CELF2: variants seen among roughly 807,000 people sequenced by gnomAD.
CELF2 encodes CUGBP Elav-like family member 2.
CELF2 carries 8 observed loss-of-function variants against 62.6 expected under a neutral mutation model. That is an observed-to-expected ratio of 0.13 (90% CI 0.07 to 0.23). The LOEUF (loss-of-function observed/expected upper bound fraction) is 0.23. CELF2 is among the 10% of genes least tolerant of loss of function. CELF2 has a pLI of 1.00. For synonymous variants in CELF2, 258 were observed against 250.0 expected (o/e 1.03, Z -0.30); for missense variants, 333 against 671.0 (o/e 0.50, Z 5.56).
chr10:10,906,010 G>T (rs1459388259), intron 1 of CELF2, among the ~76,000 whole-genome samples: 1 of 152,166 alleles, frequency 6.6e-6, no homozygotes, highest in Non-Finnish European at 1.5e-5. Context: ...GGCAAAAGTT[G>T]CAGTGAGCTC....
chr10:11,234,606 C>CG (rs1554980147), intron 3 of CELF2, among the ~76,000 whole-genome samples: 4 of 131,124 alleles, frequency 3.1e-5, no homozygotes, highest in Admixed American at 2.7e-4. Context: ...GGCGTGAACC[C>CG]GGGGGGCGGA....
the CELF2 span, among the ~76,000 whole-genome samples, chr10:10,571,394 A>G: frequency 6.6e-6 from 1 of 152,242 alleles, no homozygotes; most frequent in South Asian, 2.1e-4. Context: ...GACTGTTGAC[A>G]GTAATAAAAT....
upstream of CELF2, among the ~76,000 whole-genome samples, chr10:10,795,830 A>G (rs751018658): frequency 2.3e-4 from 35 of 152,174 alleles, no homozygotes; most frequent in Non-Finnish European, 3.2e-4. Flanking sequence ...TCCTCTCTAA[A>G]TACTTTTGGG....
chr10:10,646,554 A>G, the CELF2 span, among the ~76,000 whole-genome samples: 2 of 152,342 alleles, frequency 1.3e-5, no homozygotes, highest in East Asian at 3.9e-4. Flanking sequence ...GATGGCAGTC[A>G]CATCCACCTC....
At chr10:11,000,362 A>G (rs913353400), upstream of CELF2, among the ~76,000 whole-genome samples, 1 of 152,096 alleles carries the variant, frequency 6.6e-6, no homozygotes, top group East Asian at 1.9e-4. Flanking sequence ...TCTTAAATTT[A>G]TCTAGTACCT....
chr10:10,496,376 A>G, the CELF2 span, among the ~76,000 whole-genome samples: 14 of 152,302 alleles, frequency 9.2e-5, no homozygotes, highest in South Asian at 2.9e-3. Context: ...CTATACTACC[A>G]TAGTAGTCTC....
intron 2 of CELF2, among the ~76,000 whole-genome samples, chr10:11,215,086 C>T (rs1444184205): frequency 6.6e-6 from 1 of 152,232 alleles, no homozygotes; most frequent in Non-Finnish European, 1.5e-5. Flanking sequence ...TAGCTAAAAT[C>T]ACACTAAGCT....
At chr10:10,651,556 C>T in the CELF2 span, among the ~76,000 whole-genome samples, 3 of 131,276 alleles carry the variant, frequency 2.3e-5, no homozygotes, top group East Asian at 6.0e-4. Context: ...CAAGTGGGTC[C>T]CTGACCCCTG....
chr10:10,863,328 T>C (rs1184576871), intron 1 of CELF2, among the ~76,000 whole-genome samples: 1 of 152,246 alleles, frequency 6.6e-6, no homozygotes, highest in Non-Finnish European at 1.5e-5. Flanking sequence ...GTGTGTAGCA[T>C]GTGAGAAGGC....
intron 2 of CELF2, among the ~76,000 whole-genome samples, chr10:11,184,540 T>C (rs1310065231): frequency 2.0e-5 from 3 of 152,226 alleles, no homozygotes; most frequent in Admixed American, 2.0e-4. Flanking sequence ...AAGTGGTATA[T>C]TTCTCCACTT....
At chr10:10,697,324 G>A in the CELF2 span, among the ~76,000 whole-genome samples, 1 of 152,264 alleles carries the variant, frequency 6.6e-6, no homozygotes, top group African/African-American at 2.4e-5. Context: ...TACCAAAGCA[G>A]CTCTTGAATG....
At chr10:11,081,067 A>G (rs1564651004) in intron 1 of CELF2, among the ~76,000 whole-genome samples, 1 of 151,972 alleles carries the variant, frequency 6.6e-6, no homozygotes, top group Non-Finnish European at 1.5e-5. Flanking sequence ...AGAAAAAATT[A>G]TTCTTTAAAT....
Position 11,329,808 on chromosome 10 carries a change from T to TGTTTCTTGAAAGATAAATTTAA in CELF2, c.*756_*777dup, listed in dbSNP as rs1566037606. 6.6e-6 allele frequency: 1 copy of TGTTTCTTGAAAGATAAATTTAA among 152,130 alleles called. No homozygotes were observed. The highest frequency in any genetic ancestry group is 2.4e-5 in the African/African-American group (1 of 41,452). 9.4% of individuals were successfully genotyped at this position (152,130 alleles called of 1,614,324 possible). A position where few individuals can be genotyped will look rare whatever the true frequency, so the allele number is the denominator to read the frequency against. ...AATAAAAATGAGTGAAAATACTTGA[T>TGTTTCTTGAAAGATAAATTTAA]GTTTCTTGAAAGATAAATTTAATAA... On this transcript the variant is annotated 3_prime_UTR_variant, in exon 13 of 13. Coordinates refer to ENST00000633077, the MANE Select transcript of CELF2 (RefSeq NM_001326342.2). This position sits in a 1 kb window ranked among gnomAD's most constrained non-coding sequence, Gnocchi z 5.5.
intron 1 of CELF2, among the ~76,000 whole-genome samples, chr10:11,111,624 T>C (rs1172302483): frequency 1.3e-5 from 2 of 152,194 alleles, no homozygotes; most frequent in Non-Finnish European, 2.9e-5. Context: ...CTGTCTGATA[T>C]GAAGGCAGTC....
chr10:11,128,396 T>C (rs188882861), intron 1 of CELF2, among the ~76,000 whole-genome samples: 6 of 152,024 alleles, frequency 3.9e-5, no homozygotes, highest in South Asian at 2.1e-4. Flanking sequence ...ACTTTTAATT[T>C]TTTCCAATTC....
At chr10:10,807,087 C>CT (rs2055315273) in intron 1 of CELF2, among the ~76,000 whole-genome samples, 1 of 152,090 alleles carries the variant, frequency 6.6e-6, no homozygotes. Flanking sequence ...GCACATAGAC[C>CT]TTTTTAAGTT....
At chr10:10,570,335 G>T in the CELF2 span, among the ~76,000 whole-genome samples, 1 of 147,042 alleles carries the variant, frequency 6.8e-6, no homozygotes, top group South Asian at 2.3e-4. Flanking sequence ...CCAAAAGCAA[G>T]TGAGAGACAG....
the CELF2 span, among the ~76,000 whole-genome samples, chr10:10,548,492 G>T: frequency 5.9e-5 from 9 of 152,148 alleles, no homozygotes; most frequent in Non-Finnish European, 8.8e-5. Flanking sequence ...CCAACAGTAG[G>T]AATCATTTAG....
At chr10:11,278,342 A>G (rs1410674442) in intron 8 of CELF2, among the ~76,000 whole-genome samples, 2 of 152,192 alleles carry the variant, frequency 1.3e-5, no homozygotes, top group African/African-American at 4.8e-5. Context: ...GACGGCTTTT[A>G]TATCTACTTT....
Sources: allele counts gnomAD v4.1 joint callset (sites outside exome capture counted in the v4.1 genomes callset), GRCh38; gene constraint gnomAD v4.1.1; non-coding constraint Gnocchi (gnomAD v3.1); transcripts MANE v1.5; gene names NCBI Gene and HGNC (gene_info 2026-07-23, HGNC 2026-07-21).